Variants in SPIDR observed in about 807,000 individuals in gnomAD.
SPIDR encodes scaffold protein involved in DNA repair.
Under a neutral mutation model 104.6 loss-of-function variants are expected in SPIDR, and 93 were observed. The ratio of observed to expected loss-of-function variants is 0.89; its 90% CI spans 0.75 to 1.06. SPIDR has a LOEUF of 1.06. SPIDR is among the 50% of genes least tolerant of loss of function. SPIDR has a pLI of 0.00. For missense variants in SPIDR, 1,154 were observed against 1,111.2 expected (o/e 1.04, Z -0.55); for synonymous variants, 431 against 416.9 (o/e 1.03, Z -0.41).
At chr8:47,426,087 CAA>C (rs1259632086) in intron 7 of SPIDR, among the ~76,000 whole-genome samples, 11 of 113,802 alleles carry the variant, frequency 9.7e-5, no homozygotes, top group Non-Finnish European at 9.4e-5. Flanking sequence ...TACTACGATA[CAA>C]AAAAAAAAAA....
intron 11 of SPIDR, among the ~76,000 whole-genome samples, chr8:47,684,619 A>G (rs937153763): frequency 1.3e-5 from 2 of 152,374 alleles, no homozygotes; most frequent in East Asian, 1.9e-4. Flanking sequence ...GTAAACCACC[A>G]TGTAAGAAGT....
At chr8:47,602,925 A>G (rs2062468003) in intron 10 of SPIDR, among the ~76,000 whole-genome samples, 1 of 152,226 alleles carries the variant, frequency 6.6e-6, no homozygotes. Context: ...AACTTGAGCT[A>G]TTAATGAAAA....
At chr8:47,531,689 C>T (rs536370337) in intron 8 of SPIDR, among the ~76,000 whole-genome samples, 68 of 152,234 alleles carry the variant, frequency 4.5e-4, no homozygotes, top group East Asian at 2.1e-3. Context: ...CCTCTTCTTC[C>T]GGTATGCATT....
intron 8 of SPIDR, among the ~76,000 whole-genome samples, chr8:47,505,525 G>A (rs1356546571): frequency 6.6e-6 from 1 of 152,180 alleles, no homozygotes; most frequent in Non-Finnish European, 1.5e-5. Flanking sequence ...TTTTCCAGGT[G>A]CCATCTGTCA....
intron 8 of SPIDR, among the ~76,000 whole-genome samples, chr8:47,591,202 T>G (rs919009272): frequency 5.3e-4 from 59 of 112,334 alleles, no homozygotes; most frequent in African/African-American, 2.0e-3. Flanking sequence ...GTTCTCTGGT[T>G]TTTTTTTTTG....
In SPIDR at chr8:47,407,921, G is replaced by A. The variant is rs1554668418; in HGVS notation, c.837G>A (p.Leu279=). 1.9e-6 allele frequency: 3 copies of A among 1,604,876 alleles called. No individual in the cohort carries two copies. The highest frequency in any genetic ancestry group is 2.6e-6 in the Non-Finnish European group (3 of 1,174,070). Residue 279 remains leucine, a synonymous_variant, in exon 7 of 20, where the codon TTG becomes TTA. Coordinates refer to ENST00000297423, the MANE Select transcript of SPIDR (RefSeq NM_001080394.4). Reference sequence around the variant, plus strand: ...ATCGAGAGAGATCTGCTATTTCTTTGTGGAGACATCAATGTATTTCTTACC... The same window carrying A: ...ATCGAGAGAGATCTGCTATTTCTTTATGGAGACATCAATGTATTTCTTACC... The part of the protein sequence containing the change: ...LQNRERSAIS[L]WRHQCISYQK...
intron 5 of SPIDR, among the ~76,000 whole-genome samples, chr8:47,374,025 C>T (rs1043639821): frequency 6.6e-6 from 1 of 152,030 alleles, no homozygotes; most frequent in Non-Finnish European, 1.5e-5. Flanking sequence ...GTTTTAGGTT[C>T]GTTTGTTTTA....
At chr8:47,286,516 G>T (rs990856582) in intron 3 of SPIDR, among the ~76,000 whole-genome samples, 3 of 152,206 alleles carry the variant, frequency 2.0e-5, no homozygotes, top group Non-Finnish European at 4.4e-5. Context: ...TGGGGCTGCA[G>T]TGTGCTGTGA....
chr8:47,329,637 C>T (rs1195937597), intron 5 of SPIDR, among the ~76,000 whole-genome samples: 1 of 152,174 alleles, frequency 6.6e-6, no homozygotes, highest in Non-Finnish European at 1.5e-5. Flanking sequence ...CTATATGGCT[C>T]TACTTTCTCT....
intron 8 of SPIDR, among the ~76,000 whole-genome samples, chr8:47,586,664 A>G (rs72646363): frequency 0.043 from 6,617 of 152,160 alleles, 170 homozygotes; most frequent in Middle Eastern, 0.068. Context: ...AATTGAAATG[A>G]TTTTCCCTAT....
intron 8 of SPIDR, among the ~76,000 whole-genome samples, chr8:47,474,688 C>T (rs1388990759): frequency 2.0e-5 from 3 of 152,144 alleles, no homozygotes; most frequent in Non-Finnish European, 4.4e-5. Context: ...GATAAAACAC[C>T]TGTTTGATTT....
intron 8 of SPIDR, among the ~76,000 whole-genome samples, chr8:47,470,176 A>G (rs1554719922): frequency 6.6e-6 from 1 of 152,226 alleles, no homozygotes; most frequent in Non-Finnish European, 1.5e-5. Context: ...AGCAATTAAA[A>G]CAGTAGGGTA....
intron 5 of SPIDR, among the ~76,000 whole-genome samples, chr8:47,331,642 A>G (rs2048684132): frequency 1.3e-5 from 2 of 152,192 alleles, no homozygotes; most frequent in African/African-American, 2.4e-5. Context: ...ACCATACACT[A>G]CTATCAACTT....
chr8:47,488,888 C>A (rs1171928454), intron 8 of SPIDR, among the ~76,000 whole-genome samples: 6 of 152,258 alleles, frequency 3.9e-5, no homozygotes, highest in African/African-American at 1.4e-4. Context: ...AACCCACAGC[C>A]AATATCATAC....
intron 5 of SPIDR, among the ~76,000 whole-genome samples, chr8:47,349,182 G>T (rs1421854978): frequency 6.6e-6 from 1 of 152,180 alleles, no homozygotes; most frequent in Non-Finnish European, 1.5e-5. Context: ...CTGTCTCTTT[G>T]TTGGTTTTCC....
At chr8:47,694,258 T>C (rs1226401674) in intron 11 of SPIDR, among the ~76,000 whole-genome samples, 6 of 152,218 alleles carry the variant, frequency 3.9e-5, no homozygotes, top group Non-Finnish European at 8.8e-5. Flanking sequence ...GGAAATTGTT[T>C]CTTAGACTGC....
chr8:47,324,786 G>T (rs2047385955), intron 5 of SPIDR, among the ~76,000 whole-genome samples: 1 of 152,174 alleles, frequency 6.6e-6, no homozygotes, highest in African/African-American at 2.4e-5. Context: ...ATATTAGTTT[G>T]CTAGTGCTGC....
At position 47,538,143 on chromosome 8, in the gene SPIDR, C is replaced by T. The variant is rs528538093; in HGVS notation, c.1098-57668C>T. On this transcript the variant is annotated intron_variant, in intron 8 of 19. Coordinates refer to ENST00000297423, the MANE Select transcript of SPIDR (RefSeq NM_001080394.4). ...TGAGCCGGGATCGTGCCACTGTATT[C>T]CAGCCTGGGCAATAGAGCTAGACTC... Among the ~76,000 whole-genome samples, 134 of 152,080 alleles carry T rather than the reference C, an allele frequency of 8.8e-4. 3 individuals carry two copies. Among genetic ancestry groups the T allele is most frequent in the Middle Eastern group, 6.8e-3 (2 of 294 alleles).
At position 47,358,350 on chromosome 8, in the gene SPIDR, G is replaced by T. The variant is rs925583733; in HGVS notation, c.526-38026G>T. Among the ~76,000 whole-genome samples, 17 of 152,278 alleles carry T rather than the reference G, an allele frequency of 1.1e-4. No homozygotes were observed. The East Asian group carries it at 2.1e-3, about 19-fold the overall frequency. ...TGATTCTACCGCCTCAGCCTCCTGA[G>T]TTGCTAGGATCACAGATGTGAGCCT... On this transcript the variant is annotated intron_variant, in intron 5 of 19. Transcript: ENST00000297423.
Sources: allele counts gnomAD v4.1 joint callset (sites outside exome capture counted in the v4.1 genomes callset), GRCh38; gene constraint gnomAD v4.1.1; transcripts MANE v1.5; gene names NCBI Gene and HGNC (gene_info 2026-07-23, HGNC 2026-07-21).